The following TRIQK variants were observed in gnomAD, a reference collection of about 807,000 sequenced individuals.
TRIQK encodes triple QxxK/R motif containing.
A neutral mutation model predicts 10.8 loss-of-function variants in TRIQK; 10 were observed. The ratio of observed to expected loss-of-function variants is 0.92; its 90% CI spans 0.57 to 1.57. TRIQK has a LOEUF of 1.57. Among genes scored for constraint, TRIQK ranks in the 40% most tolerant of loss-of-function variants. The probability of loss-of-function intolerance (pLI) is 0.00; values close to 1 mark genes in which losing one functional copy is unlikely to be tolerated. For synonymous variants in TRIQK, 33 were observed against 33.7 expected (o/e 0.98, Z 0.07); for missense variants, 107 against 97.7 (o/e 1.09, Z -0.40).
intron 2 of TRIQK, among the ~76,000 whole-genome samples, chr8:92,948,119 G>A (rs150447718): frequency 3.5e-3 from 528 of 152,186 alleles, no homozygotes; most frequent in Non-Finnish European, 6.5e-3. Context: ...TTAATCATGA[G>A]CATTTGTAGT....
intron 3 of TRIQK, 108 bp from the exon 4 acceptor site, chr8:92,892,182 G>A: frequency 1.3e-6 from 1 of 751,172 alleles, no homozygotes; most frequent in Non-Finnish European, 2.0e-6. Context: ...GGGACACGGA[G>A]TTGCAAAGTA....
intron 2 of TRIQK, among the ~76,000 whole-genome samples, chr8:92,929,181 T>C (rs1810588475): frequency 6.6e-6 from 1 of 152,172 alleles, no homozygotes; most frequent in Non-Finnish European, 1.5e-5. Context: ...GGAAGCAGCA[T>C]TTTGAATAAG....
At chr8:92,905,397 A>G (rs1809199226) in intron 3 of TRIQK, among the ~76,000 whole-genome samples, 1 of 152,236 alleles carries the variant, frequency 6.6e-6, no homozygotes, top group African/African-American at 2.4e-5. Context: ...TAAATGATAG[A>G]TTACTGGCAC....
chr8:92,978,396 A>G (rs1359270471), intron 1 of TRIQK, among the ~76,000 whole-genome samples: 3 of 152,156 alleles, frequency 2.0e-5, no homozygotes, highest in Non-Finnish European at 4.4e-5. Context: ...CCAAATTTTC[A>G]GTGATTTCAG....
chr8:92,891,661 AT>A (rs1816770816), intron 4 of TRIQK, among the ~76,000 whole-genome samples: 1 of 151,948 alleles, frequency 6.6e-6, no homozygotes, highest in Admixed American at 6.6e-5. Context: ...AATGAGATTT[AT>A]TGAAAAACGA....
intron 4 of TRIQK, among the ~76,000 whole-genome samples, chr8:92,888,916 G>C (rs1010651795): frequency 4.0e-5 from 6 of 151,368 alleles, no homozygotes; most frequent in African/African-American, 1.4e-4. Flanking sequence ...ACCGGTATTT[G>C]CATTCTGAAA....
chr8:92,889,818 G>A (rs1039711609), intron 4 of TRIQK, among the ~76,000 whole-genome samples: 9 of 151,818 alleles, frequency 5.9e-5, no homozygotes, highest in African/African-American at 2.2e-4. Flanking sequence ...AAAAGGAAGA[G>A]GCAAAGGGGA....
At chr8:92,944,311 A>AG (rs1402998218) in intron 2 of TRIQK, among the ~76,000 whole-genome samples, 1 of 151,742 alleles carries the variant, frequency 6.6e-6, no homozygotes, top group African/African-American at 2.4e-5. Context: ...ACTCAAAAAA[A>AG]AAAAAAAAAT....
At position 93,008,015 on chromosome 8, in the gene TRIQK, A is replaced by G. The variant is rs574010537; in HGVS notation, c.-181+9594T>C. On this transcript the variant is annotated intron_variant, in intron 1 of 4. Coordinates refer to the TRIQK transcript ENST00000520686. ...GGGACATGGATGGAGCTGGAAGCCA[A>G]CATCCTCAGCAAACTAACAGGAACA... Among the ~76,000 whole-genome samples the G allele has an allele frequency of 1.1e-4, 17 of 152,306 alleles. No homozygotes were observed. In the East Asian group the frequency reaches 2.9e-3, roughly 26 times the overall value.
intron 2 of TRIQK, among the ~76,000 whole-genome samples, chr8:92,921,241 C>A (rs778237407): frequency 1.3e-5 from 2 of 151,420 alleles, no homozygotes; most frequent in Non-Finnish European, 3.0e-5. Context: ...TGGCTTGGAG[C>A]TAGAAGCAAT....
At chr8:92,908,984 C>A (rs1397396696) in intron 3 of TRIQK, among the ~76,000 whole-genome samples, 1 of 151,816 alleles carries the variant, frequency 6.6e-6, no homozygotes, top group African/African-American at 2.4e-5. Context: ...CTTGTATTAC[C>A]TAAGTTACAT....
At chr8:92,957,629 G>C (rs1204897824) in intron 1 of TRIQK, among the ~76,000 whole-genome samples, 1 of 151,758 alleles carries the variant, frequency 6.6e-6, no homozygotes, top group Non-Finnish European at 1.5e-5. Flanking sequence ...ATATTCAAGT[G>C]GTCTATAACT....
chr8:92,977,765 T>C (rs148797446), intron 1 of TRIQK, among the ~76,000 whole-genome samples: 1 of 152,278 alleles, frequency 6.6e-6, no homozygotes, highest in East Asian at 1.9e-4. Flanking sequence ...CTGGATATTT[T>C]TGTGTGTTCA....
intron 4 of TRIQK, among the ~76,000 whole-genome samples, chr8:92,890,708 C>T (rs1688577378): frequency 1.3e-5 from 2 of 151,744 alleles, no homozygotes; most frequent in South Asian, 4.2e-4. Flanking sequence ...TTTGTTACCC[C>T]ATATTTTTCT....
intron 2 of TRIQK, among the ~76,000 whole-genome samples, chr8:92,952,863 G>A (rs1415164050): frequency 1.3e-5 from 2 of 151,900 alleles, no homozygotes; most frequent in African/African-American, 2.4e-5. Flanking sequence ...ATTGCATAAC[G>A]AGCCACACTC....
intron 2 of TRIQK, among the ~76,000 whole-genome samples, chr8:92,921,066 T>G (rs538708344): frequency 7.9e-5 from 12 of 151,838 alleles, no homozygotes; most frequent in African/African-American, 2.9e-4. Context: ...ATGACTCCTG[T>G]GGCTGTTTTC....
At chr8:92,892,930 C>A (rs535576527) in intron 3 of TRIQK, among the ~76,000 whole-genome samples, 1 of 151,896 alleles carries the variant, frequency 6.6e-6, no homozygotes, top group Non-Finnish European at 1.5e-5. Context: ...TCAAAATGAG[C>A]CTCAAACATA....
At chr8:92,970,125 A>G (rs542613583), upstream of TRIQK, among the ~76,000 whole-genome samples, 1 of 152,190 alleles carries the variant, frequency 6.6e-6, no homozygotes, top group South Asian at 2.1e-4. Flanking sequence ...ACATGATCTC[A>G]TTCCTTTTTA....
At chr8:92,990,343 C>A (rs1246021956) in intron 1 of TRIQK, among the ~76,000 whole-genome samples, 1 of 152,128 alleles carries the variant, frequency 6.6e-6, no homozygotes, top group African/African-American at 2.4e-5. Context: ...CTGTGATGCT[C>A]CTTTTTCATT....
Sources: allele counts gnomAD v4.1 joint callset (sites outside exome capture counted in the v4.1 genomes callset), GRCh38; gene constraint gnomAD v4.1.1; transcripts MANE v1.5; gene names NCBI Gene and HGNC (gene_info 2026-07-23, HGNC 2026-07-21).